The following SMYD3 variants were observed in gnomAD, a reference collection of about 807,000 sequenced individuals.
The protein encoded by SMYD3 is histone-lysine N-methyltransferase SMYD3.
SMYD3 carries 36 observed loss-of-function variants against 57.7 expected under a neutral mutation model. That is an observed-to-expected ratio of 0.62 (90% CI 0.48 to 0.82). SMYD3 has a LOEUF of 0.82. SMYD3 is among the 40% of genes least tolerant of loss of function. SMYD3 has a pLI of 0.00. For missense variants in SMYD3, 515 were observed against 538.8 expected (o/e 0.96, Z 0.44); for synonymous variants, 211 against 195.0 (o/e 1.08, Z -0.68).
At chr1:246,387,161 T>C (rs543416491) in intron 1 of SMYD3, among the ~76,000 whole-genome samples, 3 of 152,246 alleles carry the variant, frequency 2.0e-5, no homozygotes, top group South Asian at 4.2e-4. Flanking sequence ...TGGATAAATA[T>C]CCCTTCTAAC....
chr1:245,808,404 G>T (rs72766647), intron 10 of SMYD3, among the ~76,000 whole-genome samples: 1,973 of 152,284 alleles, frequency 0.013, 24 homozygotes, highest in South Asian at 0.027. Flanking sequence ...AGGGAAGAGG[G>T]TAACACAATC....
chr1:245,784,142 G>A (rs941093602), intron 10 of SMYD3, among the ~76,000 whole-genome samples: 4 of 152,222 alleles, frequency 2.6e-5, no homozygotes, highest in African/African-American at 9.7e-5. Flanking sequence ...TTCTAGAGAA[G>A]TACACTACTG....
intron 5 of SMYD3, among the ~76,000 whole-genome samples, chr1:245,984,209 C>G (rs775168754): frequency 6.6e-6 from 1 of 152,022 alleles, no homozygotes; most frequent in African/African-American, 2.4e-5. Context: ...GTCACCCAGG[C>G]TGGTTTCAAA....
chr1:245,942,834 T>C (rs2057296859), intron 5 of SMYD3, among the ~76,000 whole-genome samples: 1 of 152,070 alleles, frequency 6.6e-6, no homozygotes, highest in Non-Finnish European at 1.5e-5. Context: ...AGAAACTCAC[T>C]CAAAACCACA....
chr1:246,045,170 C>T (rs1307399931), intron 5 of SMYD3, among the ~76,000 whole-genome samples: 1 of 152,192 alleles, frequency 6.6e-6, no homozygotes, highest in African/African-American at 2.4e-5. Flanking sequence ...GCCCGCATCA[C>T]CAAGTCAATC....
At chr1:246,071,503 T>C (rs2060443049) in intron 5 of SMYD3, among the ~76,000 whole-genome samples, 1 of 152,222 alleles carries the variant, frequency 6.6e-6, no homozygotes, top group Non-Finnish European at 1.5e-5. Context: ...CAAGTAGTGA[T>C]TACTGAGTAT....
intron 5 of SMYD3, among the ~76,000 whole-genome samples, chr1:246,289,964 G>A (rs1288628297): frequency 6.6e-6 from 1 of 152,066 alleles, no homozygotes; most frequent in Non-Finnish European, 1.5e-5. Context: ...GGGCCTGTGA[G>A]GAAAAAACTA....
intron 5 of SMYD3, chr1:246,321,711 C>T (rs868176182): frequency 4.6e-5 from 7 of 151,980 alleles, no homozygotes; most frequent in Non-Finnish European, 8.8e-5. Flanking sequence ...GCAAATGTTT[C>T]GGACCCAATC....
intron 8 of SMYD3, among the ~76,000 whole-genome samples, chr1:245,872,077 C>T (rs2052224112): frequency 6.6e-6 from 1 of 152,208 alleles, no homozygotes; most frequent in South Asian, 2.1e-4. Context: ...AGGCACAATC[C>T]CTGTGCACTT....
chr1:246,259,883 A>G (rs1475739711), intron 5 of SMYD3, among the ~76,000 whole-genome samples: 3 of 152,208 alleles, frequency 2.0e-5, no homozygotes, highest in Non-Finnish European at 2.9e-5. Flanking sequence ...CAGGAATGGG[A>G]AACCTCTTCA....
At chr1:246,045,004 A>G (rs61841860) in intron 5 of SMYD3, among the ~76,000 whole-genome samples, 4 of 152,248 alleles carry the variant, frequency 2.6e-5, no homozygotes, top group Non-Finnish European at 5.9e-5. Context: ...ATGGAAGAGC[A>G]TTCCATGCTC....
chr1:246,023,320 C>T (rs948359393), intron 5 of SMYD3, among the ~76,000 whole-genome samples: 1 of 152,146 alleles, frequency 6.6e-6, no homozygotes, highest in African/African-American at 2.4e-5. Context: ...TCCTTCAAAA[C>T]GAGCAATTAG....
intron 5 of SMYD3, among the ~76,000 whole-genome samples, chr1:246,121,248 C>T (rs1012872724): frequency 1.3e-5 from 2 of 151,846 alleles, no homozygotes; most frequent in Admixed American, 1.3e-4. Context: ...TTTTAAGCCA[C>T]CCAGTAAATG....
intron 2 of SMYD3, among the ~76,000 whole-genome samples, chr1:246,345,425 T>C (rs1168129283): frequency 2.0e-5 from 3 of 152,204 alleles, no homozygotes; most frequent in Non-Finnish European, 4.4e-5. Context: ...GTATGCCTTA[T>C]TTGAAATACC....
At chr1:246,279,968 T>TA (rs1270525679) in intron 5 of SMYD3, among the ~76,000 whole-genome samples, 1 of 152,126 alleles carries the variant, frequency 6.6e-6, no homozygotes, top group Non-Finnish European at 1.5e-5. Context: ...TCGTAGTAAG[T>TA]AAGATTAGTA....
At chr1:246,492,649 C>G (rs2068289665) in intron 1 of SMYD3, among the ~76,000 whole-genome samples, 1 of 152,242 alleles carries the variant, frequency 6.6e-6, no homozygotes, top group African/African-American at 2.4e-5. Flanking sequence ...AAGGCCACTA[C>G]TCTGCATTAG....
At chr1:246,489,198 T>C (rs2068232392) in intron 1 of SMYD3, among the ~76,000 whole-genome samples, 1 of 151,774 alleles carries the variant, frequency 6.6e-6, no homozygotes, top group Admixed American at 6.6e-5. Flanking sequence ...TACAAAAAAT[T>C]AGCCGGGCGT....
intron 10 of SMYD3, among the ~76,000 whole-genome samples, chr1:245,766,296 G>C (rs908872067): frequency 1.3e-5 from 2 of 151,274 alleles, no homozygotes; most frequent in African/African-American, 2.4e-5. Flanking sequence ...CCAGCTACTC[G>C]GGAGGCTGAG....
chr1:245,872,089 C>G (rs1272150066), intron 8 of SMYD3, among the ~76,000 whole-genome samples: 2 of 152,236 alleles, frequency 1.3e-5, no homozygotes, highest in Admixed American at 1.3e-4. Context: ...TGTGCACTTC[C>G]CACTGGCTTT....
Sources: allele counts gnomAD v4.1 joint callset (sites outside exome capture counted in the v4.1 genomes callset), GRCh38; gene constraint gnomAD v4.1.1; transcripts MANE v1.5; gene names NCBI Gene and HGNC (gene_info 2026-07-23, HGNC 2026-07-21).